The following ADGRB3 variants were observed in gnomAD, a reference collection of about 807,000 sequenced individuals.
ADGRB3 encodes the protein brain-specific angiogenesis inhibitor 3.
Under a neutral mutation model 193.4 loss-of-function variants are expected in ADGRB3, and 37 were observed. That is an observed-to-expected ratio of 0.19 (90% confidence interval 0.15 to 0.25). The LOEUF is 0.25. Among genes scored for constraint, ADGRB3 ranks in the 10% least tolerant of loss-of-function variants. The pLI is 1.00. For missense variants in ADGRB3, 1,637 were observed against 1,852.9 expected (o/e 0.88, Z 2.14); for synonymous variants, 690 against 644.2 (o/e 1.07, Z -1.08).
At chr6:69,330,241 T>C (rs1230884728) in intron 22 of ADGRB3, among the ~76,000 whole-genome samples, 1 of 152,226 alleles carries the variant, frequency 6.6e-6, no homozygotes, top group Non-Finnish European at 1.5e-5. Flanking sequence ...ATTGCAATAG[T>C]AATTTGTCTA....
At chr6:69,298,325 C>G (rs1446607475) in intron 20 of ADGRB3, among the ~76,000 whole-genome samples, 1 of 151,786 alleles carries the variant, frequency 6.6e-6, no homozygotes, top group Admixed American at 6.6e-5. Context: ...GGGGAACTAT[C>G]TTCTTTATTC....
chr6:69,319,223 T>C (rs532789313), intron 20 of ADGRB3, among the ~76,000 whole-genome samples: 1 of 151,452 alleles, frequency 6.6e-6, no homozygotes, highest in East Asian at 1.9e-4. Flanking sequence ...GTTTATAATT[T>C]AGAGTTTTAG....
chr6:68,794,266 G>A (rs1767165375), intron 3 of ADGRB3, among the ~76,000 whole-genome samples: 1 of 151,656 alleles, frequency 6.6e-6, no homozygotes, highest in Non-Finnish European at 1.5e-5. Context: ...TCCTTTATAG[G>A]GAGAGCCATG....
chr6:68,642,012 C>G (rs1392385314), intron 3 of ADGRB3, among the ~76,000 whole-genome samples: 1 of 151,832 alleles, frequency 6.6e-6, no homozygotes, highest in Admixed American at 6.6e-5. Context: ...CATGAAATTC[C>G]AGCTTTTAAA....
At chr6:68,773,850 A>C (rs1766685735) in intron 3 of ADGRB3, among the ~76,000 whole-genome samples, 1 of 152,102 alleles carries the variant, frequency 6.6e-6, no homozygotes, top group East Asian at 1.9e-4. Context: ...AGATAGAAGA[A>C]GAAAGGCTCC....
chr6:68,930,661 C>A lies in ADGRB3; in HGVS notation c.860C>A (p.Ala287Glu). The change falls in exon 4 of 32, where the codon GCA (alanine) becomes GAA (glutamate). Residue 287 changes from alanine to glutamate, a missense_variant. By Grantham distance (107) the Ala-to-Glu change is moderately radical. Transcript: ENST00000370598. ...CAAGCTGATGCTGCTAAATTTATGG[C>A]ACAAACTGGTAATACGTTAGTTACA... ...QEQADAAKFM[A>E]QTGESGVEEW... 1 of 1,599,494 alleles carries A rather than the reference C, an allele frequency of 6.3e-7. No individual in the cohort carries two copies. Among genetic ancestry groups the A allele is most frequent in the Non-Finnish European group, 8.6e-7 (1 of 1,168,716 alleles).
At chr6:69,331,531 T>G (rs1343436934) in intron 23 of ADGRB3, 1 of 985,264 alleles carries the variant, frequency 1.0e-6, no homozygotes, top group Non-Finnish European at 1.2e-6. Context: ...TTTTCTCCCT[T>G]TAAGCTTGTT....
chr6:69,217,683 A>G (rs1377950881), intron 17 of ADGRB3, among the ~76,000 whole-genome samples: 1 of 152,116 alleles, frequency 6.6e-6, no homozygotes, highest in Non-Finnish European at 1.5e-5. Context: ...GCCATGGGAG[A>G]TTAATAATTT....
At chr6:68,653,816 CT>C (rs1436572380) in intron 3 of ADGRB3, among the ~76,000 whole-genome samples, 1 of 151,382 alleles carries the variant, frequency 6.6e-6, no homozygotes, top group Non-Finnish European at 1.5e-5. Flanking sequence ...TCTTTTTGTC[CT>C]TCCTTTCCTT....
intron 17 of ADGRB3, among the ~76,000 whole-genome samples, chr6:69,124,082 A>G (rs1582479150): frequency 8.9e-6 from 1 of 112,832 alleles, no homozygotes; most frequent in East Asian, 4.3e-4. Flanking sequence ...GCAACATTGC[A>G]TGACTCTGAA....
intron 11 of ADGRB3, among the ~76,000 whole-genome samples, chr6:69,008,687 G>A (rs1304634339): frequency 6.6e-6 from 1 of 152,060 alleles, no homozygotes; most frequent in African/African-American, 2.4e-5. Context: ...AAGTTCGTGG[G>A]TTTATGGAAG....
chr6:69,212,168 G>A (rs886791562), intron 17 of ADGRB3, among the ~76,000 whole-genome samples: 8 of 152,022 alleles, frequency 5.3e-5, no homozygotes, highest in Admixed American at 2.0e-4. Context: ...TACAGCATTC[G>A]AAAAAACATC....
chr6:69,301,780 C>CA (rs200887393), intron 20 of ADGRB3, among the ~76,000 whole-genome samples: 2,489 of 151,708 alleles, frequency 0.016, 30 homozygotes, highest in Non-Finnish European at 0.026. Flanking sequence ...CAATAGGCAC[C>CA]AAAAAAATCA....
intron 20 of ADGRB3, among the ~76,000 whole-genome samples, chr6:69,255,306 T>C (rs985946140): frequency 6.6e-6 from 1 of 152,182 alleles, no homozygotes; most frequent in Non-Finnish European, 1.5e-5. Flanking sequence ...ATGGTTGAAC[T>C]AGTTTACAGT....
chr6:69,169,054 C>G lies in ADGRB3; in HGVS notation c.2481-64236C>G, dbSNP rs149914725. Among the ~76,000 whole-genome samples the G allele has an allele frequency of 2.6e-3, 390 of 151,866 alleles. 1 individual carries two copies. Among genetic ancestry groups the G allele is most frequent in the African/African-American group, 9.2e-3 (383 of 41,416 alleles). Reference sequence around the variant, plus strand: ...AATGATGTAATGAATATCTGCTATTCTAAATGAAACAGGTGGAAGTTTATG... The same window carrying G: ...AATGATGTAATGAATATCTGCTATTGTAAATGAAACAGGTGGAAGTTTATG... On this transcript the variant is annotated intron_variant, in intron 17 of 31. Transcript: ENST00000370598.
At chr6:69,039,171 T>C (rs944940267) in intron 13 of ADGRB3, among the ~76,000 whole-genome samples, 8 of 151,812 alleles carry the variant, frequency 5.3e-5, no homozygotes, top group Non-Finnish European at 8.8e-5. Context: ...GTAGTGATAC[T>C]GGCAATTGGA....
chr6:68,730,220 CA>C (rs1765746896), intron 3 of ADGRB3, among the ~76,000 whole-genome samples: 1 of 151,470 alleles, frequency 6.6e-6, no homozygotes, highest in African/African-American at 2.4e-5. Flanking sequence ...TATCCATAAA[CA>C]ATTATGTGAC....
chr6:68,944,811 A>G (rs1282058396), intron 6 of ADGRB3, among the ~76,000 whole-genome samples: 2 of 152,194 alleles, frequency 1.3e-5, no homozygotes, highest in African/African-American at 4.8e-5. Context: ...TAGCAAAGAC[A>G]CATTTTAAAG....
At chr6:68,792,710 GA>G (rs1267750236) in intron 3 of ADGRB3, among the ~76,000 whole-genome samples, 2 of 152,080 alleles carry the variant, frequency 1.3e-5, no homozygotes, top group East Asian at 3.9e-4. Context: ...TTAATATACG[GA>G]GTCTAAATTG....
Sources: allele counts gnomAD v4.1 joint callset (sites outside exome capture counted in the v4.1 genomes callset), GRCh38; gene constraint gnomAD v4.1.1; transcripts MANE v1.5; gene names NCBI Gene and HGNC (gene_info 2026-07-23, HGNC 2026-07-21).